The following SYNGR1 variants were observed in gnomAD, a reference collection of about 807,000 sequenced individuals.
SYNGR1 encodes synaptogyrin 1.
Under a neutral mutation model 26.1 loss-of-function variants are expected in SYNGR1, and 14 were observed. The ratio of observed to expected loss-of-function variants is 0.54; its 90% confidence interval spans 0.35 to 0.84. The LOEUF is 0.84. SYNGR1 is among the 40% of genes least tolerant of loss of function. The pLI, the probability that SYNGR1 is intolerant of heterozygous loss-of-function variation, is 0.01. For missense variants in SYNGR1, 319 were observed against 332.9 expected (o/e 0.96, Z 0.33); for synonymous variants, 141 against 150.1 (o/e 0.94, Z 0.44).
intron 3 of SYNGR1, among the ~76,000 whole-genome samples, chr22:39,378,943 T>C (rs572990694): frequency 6.6e-5 from 10 of 152,288 alleles, no homozygotes; most frequent in African/African-American, 2.4e-4. Context: ...GCCAGAGGCA[T>C]CTCCCTAGAA....
intron 1 of SYNGR1, among the ~76,000 whole-genome samples, chr22:39,359,167 C>G (rs1052697956): frequency 2.5e-4 from 38 of 152,208 alleles, no homozygotes; most frequent in African/African-American, 8.9e-4. Context: ...CTTTATCCCT[C>G]AGACCCTCCC....
At chr22:39,374,876 T>G in intron 2 of SYNGR1, 1 of 426,066 alleles carries the variant, frequency 2.3e-6, no homozygotes, top group Non-Finnish European at 4.4e-6. Context: ...GCCTCTTCTG[T>G]GCCACCTCCC....
chr22:39,373,166 CAT>C (rs1491318755), intron 1 of SYNGR1, among the ~76,000 whole-genome samples: 15 of 140,340 alleles, frequency 1.1e-4, no homozygotes, highest in Non-Finnish European at 1.9e-4. Context: ...CACACACACA[CAT>C]AGATAGATTT....
chr22:39,377,617 C>T (rs1481075709), intron 3 of SYNGR1: 1 of 1,614,018 alleles, frequency 6.2e-7, no homozygotes, highest in Non-Finnish European at 8.5e-7. Context: ...GCAGCCCTGG[C>T]CGTGCGGAGA....
At chr22:39,381,656 C>A (rs756564660) in intron 3 of SYNGR1, 40 bp from the exon 4 acceptor site, 15 of 1,609,272 alleles carry the variant, frequency 9.3e-6, no homozygotes, top group South Asian at 7.7e-5. Flanking sequence ...CTAACCACCC[C>A]CTCCCGCCTG....
At chr22:39,351,666 T>A (rs909685) in intron 1 of SYNGR1, among the ~76,000 whole-genome samples, 56,949 of 152,188 alleles carry the variant, frequency 0.37, 11,487 homozygotes, top group East Asian at 0.79. Context: ...GTGAGGGGGC[T>A]TGTCTGCTTG....
At position 39,350,169 on chromosome 22, in the gene SYNGR1, C is replaced by A; in HGVS notation, c.99+60C>A. ...GGGGTGGTGGGGGTGTGAGCAAAGG[C>A]GGCGCGCCCGGACCGACCCCGACCC... On this transcript the variant is annotated intron_variant, in intron 1 of 3. Coordinates refer to ENST00000328933, the MANE Select transcript of SYNGR1 (RefSeq NM_004711.5). This position sits in a 1 kb window ranked among gnomAD's most constrained non-coding sequence, Gnocchi z 4.3. 8.2e-7 allele frequency: 1 copy of A among 1,224,566 alleles called. No individual in the cohort carries two copies. The allele number at this position is 1,224,566 out of a possible 1,614,324, so 75.9% of individuals were successfully genotyped here. A position where few individuals can be genotyped will look rare whatever the true frequency, so the allele number is the denominator to read the frequency against.
chr22:39,364,137 G>A lies in SYNGR1; in HGVS notation c.100-10179G>A. 7 of 1,610,400 alleles carry A rather than the reference G, an allele frequency of 4.3e-6. No individual in the cohort carries two copies. In the South Asian group the frequency reaches 7.7e-5, roughly 18 times the overall value. The stretch of plus-strand genomic sequence containing the variant: ...ATCTCCCCTCAAGTAAAGTGGGCCT[G>A]TGCCCTTTTGCACTGCGGGACACGG... On this transcript the variant is annotated intron_variant, in intron 1 of 3. Coordinates refer to ENST00000328933, the MANE Select transcript of SYNGR1 (RefSeq NM_004711.5).
rs1923852693 is a variant in SYNGR1 at position 39,350,472 on chromosome 22, AC to A, written c.99+364del. Among the ~76,000 whole-genome samples, 1 of 151,742 alleles carries A rather than the reference AC, an allele frequency of 6.6e-6. No homozygotes were observed. The highest frequency in any genetic ancestry group is 2.1e-4 in the South Asian group (1 of 4,804). On this transcript the variant is annotated intron_variant, in intron 1 of 3. Coordinates refer to ENST00000328933, the MANE Select transcript of SYNGR1 (RefSeq NM_004711.5). The surrounding 1 kb of genome is among the most constrained non-coding windows in gnomAD (Gnocchi z 4.3). ...CCAGGGCGGACTGGGGACCGTGGGG[AC>A]GGAGCCAGGGTTTAAGGTGGCCTTT... is the stretch of plus-strand genomic sequence containing the variant.
intron 3 of SYNGR1, among the ~76,000 whole-genome samples, chr22:39,379,153 G>C (rs1022387277): frequency 6.6e-6 from 1 of 152,098 alleles, no homozygotes; most frequent in Non-Finnish European, 1.5e-5. Flanking sequence ...AGGCTCCGGC[G>C]TCTGAGCCCC....
chr22:39,369,111 G>C (rs953780709), intron 1 of SYNGR1, among the ~76,000 whole-genome samples: 1 of 152,290 alleles, frequency 6.6e-6, no homozygotes. Context: ...GTCTCTTTCT[G>C]ATCAGGAGCC....
chr22:39,375,789 C>T, intron 2 of SYNGR1: 1 of 613,052 alleles, frequency 1.6e-6, no homozygotes, highest in Non-Finnish European at 3.0e-6. Context: ...CTGCCCGTGG[C>T]TCTCCTCTGA....
intron 3 of SYNGR1, chr22:39,377,779 G>A (rs1925355159): frequency 6.4e-7 from 1 of 1,556,038 alleles, no homozygotes; most frequent in African/African-American, 1.4e-5. Context: ...TGTCCAAGAT[G>A]CCAGGGCATG....
Position 39,374,585 on chromosome 22 carries a change from A to G in SYNGR1, c.337+32A>G, listed in dbSNP as rs1255456933. ...CCCACCCAGCAGGTACCCCCTGCAC[A>G]GAGTCTACAGAGGGCTGTCCCGGCC... On this transcript the variant is annotated intron_variant, in intron 2 of 3. Coordinates refer to ENST00000328933, the MANE Select transcript of SYNGR1 (RefSeq NM_004711.5). 4 of 1,606,886 alleles carry G rather than the reference A, an allele frequency of 2.5e-6. No individual in the cohort carries two copies. In the East Asian group the frequency reaches 8.9e-5, roughly 36 times the overall value.
chr22:39,358,476 T>C (rs1924287210), intron 1 of SYNGR1, among the ~76,000 whole-genome samples: 1 of 152,228 alleles, frequency 6.6e-6, no homozygotes, highest in South Asian at 2.1e-4. Context: ...ACACTACTTT[T>C]ATGAGCTGTA....
At position 39,377,607 on chromosome 22, in the gene SYNGR1, G is replaced by A. The variant is rs146789856; in HGVS notation, c.483+1410G>A. On this transcript the variant is annotated intron_variant, in intron 3 of 3. Transcript: ENST00000328933. ...TACTCTCTCCTGGCAGAGCCTGACCGCAGCCCTGGCCGTGCGGAGATTCAA... is the reference window on the plus strand; with the variant it reads ...TACTCTCTCCTGGCAGAGCCTGACCACAGCCCTGGCCGTGCGGAGATTCAA... The A allele has an allele frequency of 1.1e-4, 181 of 1,613,896 alleles. No individual in the cohort carries two copies. In the African/African-American group the frequency reaches 1.7e-3, roughly 15 times the overall value.
chr22:39,377,519 C>T (rs1190439503), intron 3 of SYNGR1: 40 of 1,568,922 alleles, frequency 2.5e-5, no homozygotes, highest in South Asian at 7.0e-5. Context: ...GGTGCCTGCC[C>T]GGCCCCCTGA....
intron 1 of SYNGR1, among the ~76,000 whole-genome samples, chr22:39,372,828 G>T (rs1925092336): frequency 6.6e-6 from 1 of 152,034 alleles, no homozygotes; most frequent in Non-Finnish European, 1.5e-5. Flanking sequence ...TTACTTGTGG[G>T]TGTTGGACTG....
At chr22:39,353,528 C>T (rs1415599450) in intron 1 of SYNGR1, among the ~76,000 whole-genome samples, 3 of 152,222 alleles carry the variant, frequency 2.0e-5, no homozygotes, top group African/African-American at 4.8e-5. Flanking sequence ...TTGGTGTCAT[C>T]GCCCCAGTGG....
Sources: allele counts gnomAD v4.1 joint callset (sites outside exome capture counted in the v4.1 genomes callset), GRCh38; gene constraint gnomAD v4.1.1; non-coding constraint Gnocchi (gnomAD v3.1); transcripts MANE v1.5; gene names NCBI Gene and HGNC (gene_info 2026-07-23, HGNC 2026-07-21).